MTIF2: variants seen among roughly 807,000 people sequenced by gnomAD.
The protein encoded by MTIF2 is translation initiation factor IF-2, mitochondrial.
A neutral mutation model predicts 83.5 loss-of-function variants in MTIF2; 71 were observed. The observed-to-expected ratio is 0.85, with a 90% CI of 0.70 to 1.04. The LOEUF is 1.04. MTIF2 is among the 50% of genes least tolerant of loss of function. The probability of loss-of-function intolerance (pLI) is 0.00; values close to 1 mark genes in which losing one functional copy is unlikely to be tolerated. For synonymous variants in MTIF2, 319 were observed against 287.1 expected (o/e 1.11, Z -1.12); for missense variants, 957 against 846.5 (o/e 1.13, Z -1.62).
chr2:55,262,166 T>C (rs1192609718), intron 5 of MTIF2, 150 bp downstream of exon 5: 4 of 616,730 alleles, frequency 6.5e-6, no homozygotes, highest in Non-Finnish European at 1.1e-5. Flanking sequence ...CTAGGGATTA[T>C]GACTTAAAGT....
At chr2:55,239,026 A>G (rs1474869190) in intron 14 of MTIF2, among the ~76,000 whole-genome samples, 1 of 152,242 alleles carries the variant, frequency 6.6e-6, no homozygotes, top group African/African-American at 2.4e-5. Flanking sequence ...ATAGCTGTCC[A>G]ATATGCTTCA....
At chr2:55,249,161 A>C (rs899499247) in intron 9 of MTIF2, among the ~76,000 whole-genome samples, 4 of 152,140 alleles carry the variant, frequency 2.6e-5, no homozygotes, top group Non-Finnish European at 1.5e-5. Context: ...TCTCATAATA[A>C]AAAATATATT....
At position 55,262,407 on chromosome 2, in the gene MTIF2, A is replaced by G. The variant is rs145220191; in HGVS notation, c.240T>C (p.Ser80=). 1.2e-6 allele frequency: 2 copies of G among 1,612,338 alleles called. No individual in the cohort carries two copies. Among genetic ancestry groups the G allele is most frequent in the Non-Finnish European group, 1.7e-6 (2 of 1,178,810 alleles). Residue 80 remains serine, a synonymous_variant, in exon 5 of 16, where the codon TCT becomes TCC. Transcript: ENST00000263629. The part of the protein sequence containing the change: ...VTKKEEGPWK[S]QLSSTKSKKV... ...TTTTAGATTTTGTTGAAGATAACTGAGATTTCCATGGTCCTTCTTCCTATT... is the reference window on the plus strand; with the variant it reads ...TTTTAGATTTTGTTGAAGATAACTGGGATTTCCATGGTCCTTCTTCCTATT...
At position 55,262,367 on chromosome 2, in the gene MTIF2, A is replaced by T. The variant is rs749632106; in HGVS notation, c.280T>A (p.Trp94Arg). 4.3e-6 allele frequency: 7 copies of T among 1,613,612 alleles called. No homozygotes were observed. In the African/African-American group the frequency reaches 8.0e-5, roughly 18 times the overall value. ...STKSKKVVEVWIGMTIEELAR... is the reference protein window; with the variant it reads ...STKSKKVVEVRIGMTIEELAR... ...AGTTCCTCAATAGTCATTCCAATCC[A>T]TACTTCTACCACCTTTTTAGATTTT... is the stretch of plus-strand genomic sequence containing the variant. Residue 94 changes from tryptophan to arginine, a missense_variant, in exon 5 of 16, where the codon TGG becomes AGG. Trp to Arg is a moderately radical substitution (Grantham distance 101). Coordinates refer to ENST00000263629, the MANE Select transcript of MTIF2 (RefSeq NM_002453.3).
At chr2:55,250,553 A>G (rs1208023881) in intron 8 of MTIF2, among the ~76,000 whole-genome samples, 2 of 152,186 alleles carry the variant, frequency 1.3e-5, no homozygotes, top group East Asian at 1.9e-4. Context: ...CAATATCACA[A>G]ATTTTCTTTT....
At chr2:55,256,470 G>A (rs562709196) in intron 5 of MTIF2, among the ~76,000 whole-genome samples, 1 of 151,926 alleles carries the variant, frequency 6.6e-6, no homozygotes, top group Admixed American at 6.6e-5. Flanking sequence ...CACTTTGGGA[G>A]GCCGAGGCGG....
In MTIF2 at chr2:55,262,306, T is replaced by C; in HGVS notation, c.331+10A>G. The C allele has an allele frequency of 1.9e-6, 3 of 1,587,356 alleles. No homozygotes were observed. The highest frequency in any genetic ancestry group is 2.6e-6 in the Non-Finnish European group (3 of 1,157,006). On this transcript the variant is annotated intron_variant, in intron 5 of 15. Coordinates refer to ENST00000263629, the MANE Select transcript of MTIF2 (RefSeq NM_002453.3). ...TCCCATATTTTGCTTTGTAAAAATA[T>C]CTGACTCACCTGTGTTTTTTTCCAT...
intron 5 of MTIF2, among the ~76,000 whole-genome samples, chr2:55,256,831 C>T (rs144090366): frequency 3.5e-4 from 53 of 152,010 alleles, no homozygotes; most frequent in African/African-American, 9.9e-4. Flanking sequence ...CCTCGGCCTC[C>T]GTTATAGCTG....
At position 55,246,329 on chromosome 2, in the gene MTIF2, A is replaced by G; in HGVS notation, c.1106+8T>C. 6.3e-7 allele frequency: 1 copy of G among 1,587,446 alleles called. No individual in the cohort carries two copies. The highest frequency in any genetic ancestry group is 8.6e-7 in the Non-Finnish European group (1 of 1,166,208). ...AAATTAAAAAGGCAAGCATTTTAAG[A>G]GTCCTACCCTCTTCCTTTGTCTGTG... On this transcript the variant is annotated splice_region_variant and intron_variant, in intron 10 of 15. Coordinates refer to ENST00000263629, the MANE Select transcript of MTIF2 (RefSeq NM_002453.3).
chr2:55,250,594 G>A (rs1055959533), intron 8 of MTIF2, among the ~76,000 whole-genome samples: 6 of 151,992 alleles, frequency 3.9e-5, no homozygotes, highest in African/African-American at 1.5e-4. Flanking sequence ...ATACACCTAG[G>A]TCAGTGACCT....
chr2:55,246,857 G>A (rs1024278634), intron 9 of MTIF2, among the ~76,000 whole-genome samples: 1 of 151,148 alleles, frequency 6.6e-6, no homozygotes, highest in Non-Finnish European at 1.5e-5. Context: ...TTCTTTTTTT[G>A]TTTAAGTTCT....
At chr2:55,263,553 T>C (rs1222527996) in intron 4 of MTIF2, 87 bp downstream of exon 4, 1 of 1,007,482 alleles carries the variant, frequency 9.9e-7, no homozygotes, top group Non-Finnish European at 1.4e-6. Context: ...TAGGTTGCGG[T>C]GAGCTGAGAT....
Position 55,243,597 on chromosome 2 carries a change from T to G in MTIF2, c.1383A>C (p.Lys461Asn). The change falls in exon 12 of 16, where the codon AAA (lysine) becomes AAC (asparagine). Residue 461 changes from lysine to asparagine, a missense_variant. This residue lies in a region of MTIF2 where 733 missense variants were observed against 648.7 expected (regional missense o/e 1.13). Transcript: ENST00000263629. ...GTTCCTTTCGCTTTTCTTCTATTAT[T>G]TTCAGATCCTCCTGACCTTTCTCCT... ...QEQEKGQEDL[K>N]IIEEKRKEHK... 4 of 1,614,078 alleles carry G rather than the reference T, an allele frequency of 2.5e-6. No homozygotes were observed. The highest frequency in any genetic ancestry group is 3.4e-6 in the Non-Finnish European group (4 of 1,180,006).
rs768458791 is a variant in MTIF2, at chr2:55,237,304, T to C, written c.1995A>G (p.Gly665=). The part of the protein sequence containing the change: ...KQKKFKLTRN[G]HVIWKGSLTS... ...GTTGCTTACCCTTCCAAATTACATG[T>C]CCATTACGGGTTAGTTTAAATTTTT... Residue 665 remains glycine (G), a synonymous_variant, in exon 15 of 16, where the codon GGA becomes GGG. Coordinates refer to ENST00000263629, the MANE Select transcript of MTIF2 (RefSeq NM_002453.3). The C allele has an allele frequency of 3.7e-6, 6 of 1,612,570 alleles. No homozygotes were observed. Among genetic ancestry groups the C allele is most frequent in the South Asian group, 1.1e-5 (1 of 90,822 alleles).
At chr2:55,244,263 T>C in intron 10 of MTIF2, 30 bp from the exon 11 acceptor site, 1 of 1,523,234 alleles carries the variant, frequency 6.6e-7, no homozygotes, top group East Asian at 2.3e-5. Flanking sequence ...ATATTTTCAA[T>C]GTCATAATGT....
At chr2:55,250,279 G>C (rs1252072428) in intron 8 of MTIF2, among the ~76,000 whole-genome samples, 5 of 151,900 alleles carry the variant, frequency 3.3e-5, no homozygotes, top group Admixed American at 2.6e-4. Flanking sequence ...ATTTATGTTT[G>C]GTTGAAAAAA....
chr2:55,266,136 C>CA (rs887651318), intron 3 of MTIF2, among the ~76,000 whole-genome samples: 94 of 144,756 alleles, frequency 6.5e-4, no homozygotes, highest in African/African-American at 1.5e-3. Flanking sequence ...TTCAGCATTA[C>CA]AAAAAAAAAA....
Position 55,243,040 on chromosome 2 carries a change from T to A in MTIF2, c.1605A>T (p.Ile535=). The change falls in exon 13 of 16, where the codon ATA becomes ATT. Residue 535 remains isoleucine (I), a synonymous_variant. Coordinates refer to ENST00000263629, the MANE Select transcript of MTIF2 (RefSeq NM_002453.3). ...ACTCGTGTGAAGCATCATAGGTATC[T>A]ATAATGTTCAAAATGGCCTCAACAG... ...DGSVEAILNI[I]DTYDASHECE... 1 of 1,612,166 alleles carries A rather than the reference T, an allele frequency of 6.2e-7. No individual in the cohort carries two copies. The highest frequency in any genetic ancestry group is 8.5e-7 in the Non-Finnish European group (1 of 1,179,484).
At chr2:55,244,744 A>G (rs1399042339) in intron 10 of MTIF2, among the ~76,000 whole-genome samples, 1 of 151,870 alleles carries the variant, frequency 6.6e-6, no homozygotes, top group East Asian at 1.9e-4. Context: ...GCAGGACCCT[A>G]TCTCAATTAA....
Sources: gnomAD v4.1 joint callset for allele counts (sites outside exome capture counted in the v4.1 genomes callset) on GRCh38, gnomAD v4.1.1 for gene constraint, gnomAD v4.1.1 regional missense constraint, MANE v1.5 for transcripts, NCBI Gene and HGNC (gene_info 2026-07-23, HGNC 2026-07-21) for gene names.